OLFML2A: variants seen among roughly 807,000 people sequenced by gnomAD.
OLFML2A encodes the protein olfactomedin like 2A, also known as olfactomedin-like protein 2A.
Under a neutral mutation model 60.9 loss-of-function variants are expected in OLFML2A, and 47 were observed. That is an observed-to-expected ratio of 0.77 (90% CI 0.61 to 0.98). The LOEUF (loss-of-function observed/expected upper bound fraction) is 0.98. Among genes scored for constraint, OLFML2A ranks in the 50% least tolerant of loss-of-function variants. OLFML2A has a pLI of 0.00. For synonymous variants in OLFML2A, 372 were observed against 375.0 expected (o/e 0.99, Z 0.09); for missense variants, 922 against 879.8 (o/e 1.05, Z -0.61).
rs187877168 is a variant in OLFML2A at position 124,800,521 on chromosome 9, C to T, written c.670-893C>T. Among the ~76,000 whole-genome samples the T allele has an allele frequency of 7.2e-5, 11 of 152,336 alleles. No homozygotes were observed. The East Asian group carries it at 1.9e-3, about 27-fold the overall frequency. ...CAGCCAGGTCTGCGTGACTGCCAAG[C>T]CCACCCTCTTCCTCTCTTCTTCTCC... On this transcript the variant is annotated intron_variant, in intron 4 of 7. Coordinates refer to ENST00000373580, the MANE Select transcript of OLFML2A (RefSeq NM_182487.4).
At position 124,787,051 on chromosome 9, in the gene OLFML2A, T is replaced by C. The variant is rs2131248767; in HGVS notation, c.167T>C (p.Leu56Pro). ...DCRCKCIMRP[L>P]SKDACSRVRS... Reference sequence around the variant, plus strand: ...CGTTGCAAGTGCATCATGCGGCCCCTGAGCAAGGACGCGTGTAGCCGAGTG... The same window carrying C: ...CGTTGCAAGTGCATCATGCGGCCCCCGAGCAAGGACGCGTGTAGCCGAGTG... Residue 56 changes from leucine to proline, a missense_variant, in exon 2 of 8, where the codon CTG (leucine) becomes CCG (proline). Leu to Pro is a moderately conservative substitution (Grantham distance 98). Transcript: ENST00000373580. 1 of 1,613,994 alleles carries C rather than the reference T, an allele frequency of 6.2e-7. No homozygotes were observed. The highest frequency in any genetic ancestry group is 8.5e-7 in the Non-Finnish European group (1 of 1,179,996).
chr9:124,808,091 T>C, intron 7 of OLFML2A, 125 bp downstream of exon 7: 1 of 720,240 alleles, frequency 1.4e-6, no homozygotes, highest in Middle Eastern at 3.3e-4. Context: ...CTCCAGATTG[T>C]TAGCCACCCC....
In OLFML2A at chr9:124,779,921, T is replaced by C. The variant is rs1027795758; in HGVS notation, c.90+2561T>C. On this transcript the variant is annotated intron_variant, in intron 1 of 7. Transcript: ENST00000373580. The surrounding 1 kb of genome is among the most constrained non-coding windows in gnomAD (Gnocchi z 4.1). ...AATGTAGGGCCCTAAAGGGTTAAGT[T>C]GGCCCCTCCTTGGGCTTCCTGTTCC... is the stretch of plus-strand genomic sequence containing the variant. 6.6e-6 allele frequency among the ~76,000 whole-genome samples: 1 copy of C among 152,234 alleles called. No individual in the cohort carries two copies. The highest frequency in any genetic ancestry group is 2.4e-5 in the African/African-American group (1 of 41,464).
chr9:124,790,439 T>C (rs1841549955), intron 2 of OLFML2A, among the ~76,000 whole-genome samples: 1 of 152,174 alleles, frequency 6.6e-6, no homozygotes, highest in Middle Eastern at 3.4e-3. Context: ...CCTCCCAATA[T>C]GCTGGGATTA....
rs140635993 is a variant in OLFML2A, at chr9:124,801,562, A to G, written c.818A>G (p.Gln273Arg). 14 of 1,614,100 alleles carry G rather than the reference A, an allele frequency of 8.7e-6. No homozygotes were observed. The African/African-American group carries it at 1.7e-4, about 20-fold the overall frequency. The change falls in exon 5 of 8, where the codon CAG becomes CGG. Residue 273 changes from glutamine to arginine, a missense_variant. Coordinates refer to ENST00000373580, the MANE Select transcript of OLFML2A (RefSeq NM_182487.4). ...GAGAGCGGCAAGGGCAGTTTCCTCC[A>G]GCCCACAGCCAAGCCCCGCGCCCTG... Reference protein sequence around the residue: ...RKESGKGSFLQPTAKPRALAQ... With the variant: ...RKESGKGSFLRPTAKPRALAQ...
chr9:124,814,690 G>A lies in OLFML2A; in HGVS notation c.*4278G>A, dbSNP rs1307858190. ...CGCTGGGAAGCTCAAAGTCAAATTC[G>A]AGACCCTTTTTTTTCCAATTGTGCT... On this transcript the variant is annotated 3_prime_UTR_variant, in exon 8 of 8. Coordinates refer to ENST00000373580, the MANE Select transcript of OLFML2A (RefSeq NM_182487.4). 2.0e-5 allele frequency: 3 copies of A among 152,076 alleles called. No homozygotes were observed. The highest frequency in any genetic ancestry group is 2.9e-5 in the Non-Finnish European group (2 of 68,020). The allele number at this position is 152,076 out of a possible 1,614,324, so 9.4% of individuals were successfully genotyped here.
intron 5 of OLFML2A, among the ~76,000 whole-genome samples, chr9:124,802,408 C>A (rs1841795592): frequency 6.6e-6 from 1 of 152,238 alleles, no homozygotes; most frequent in Non-Finnish European, 1.5e-5. Context: ...CAAAGCCCTC[C>A]TTCCAGCCCA....
At chr9:124,808,295 T>C (rs1841942949) in intron 7 of OLFML2A, among the ~76,000 whole-genome samples, 1 of 152,176 alleles carries the variant, frequency 6.6e-6, no homozygotes, top group South Asian at 2.1e-4. Context: ...TACCCTGTGC[T>C]GATCTCGCCC....
intron 6 of OLFML2A, among the ~76,000 whole-genome samples, chr9:124,804,967 TGC>T: frequency 6.6e-6 from 1 of 152,104 alleles, no homozygotes; most frequent in East Asian, 1.9e-4. Context: ...CCTCCCAAAG[TGC>T]TGGGATTACA....
At chr9:124,797,209 G>A (rs1323202135) in intron 3 of OLFML2A, among the ~76,000 whole-genome samples, 2 of 152,162 alleles carry the variant, frequency 1.3e-5, no homozygotes, top group Non-Finnish European at 2.9e-5. Context: ...TTAAATTTCT[G>A]GGCTCAAGCG....
chr9:124,781,036 T>C (rs1240252681), intron 1 of OLFML2A, among the ~76,000 whole-genome samples: 1 of 152,196 alleles, frequency 6.6e-6, no homozygotes, highest in Non-Finnish European at 1.5e-5. Flanking sequence ...TTCTGAGGCA[T>C]GGCCCCCAGT....
chr9:124,791,065 C>T (rs558731246), intron 2 of OLFML2A, among the ~76,000 whole-genome samples: 2 of 152,312 alleles, frequency 1.3e-5, no homozygotes, highest in African/African-American at 4.8e-5. Flanking sequence ...AGACATGGCT[C>T]CTGCCTCGAG....
intron 3 of OLFML2A, 23 bp from the exon 4 acceptor site, chr9:124,799,262 C>CTCCA: frequency 6.4e-7 from 1 of 1,556,100 alleles, no homozygotes; most frequent in Non-Finnish European, 8.9e-7. Flanking sequence ...CAGGAAAGAC[C>CTCCA]TCCAATCCTG....
chr9:124,793,410 G>A (rs1415083849), intron 2 of OLFML2A, among the ~76,000 whole-genome samples: 3 of 152,250 alleles, frequency 2.0e-5, no homozygotes, highest in Non-Finnish European at 4.4e-5. Flanking sequence ...CTGCTGACCT[G>A]TTGTGCAAGG....
In OLFML2A at chr9:124,804,834, G is replaced by A. The variant is rs533636694; in HGVS notation, c.1168+492G>A. ...AACAATTCTCCTGCCTCAGCCTCCC[G>A]AGTGGCTGGGATTACAGATACCCGC... is the stretch of plus-strand genomic sequence containing the variant. On this transcript the variant is annotated intron_variant, in intron 6 of 7. Coordinates refer to ENST00000373580, the MANE Select transcript of OLFML2A (RefSeq NM_182487.4). Among the ~76,000 whole-genome samples the A allele has an allele frequency of 2.6e-5, 4 of 151,474 alleles. No individual in the cohort carries two copies. The South Asian group carries it at 8.4e-4, about 32-fold the overall frequency.
chr9:124,807,328 G>T (rs564114020), intron 6 of OLFML2A, among the ~76,000 whole-genome samples: 1 of 126,098 alleles, frequency 7.9e-6, no homozygotes. Flanking sequence ...CACTCTTGTC[G>T]CCCAGAGTGC....
At chr9:124,800,950 T>C in intron 4 of OLFML2A, 1 of 1,536,430 alleles carries the variant, frequency 6.5e-7, no homozygotes, top group Non-Finnish European at 8.8e-7. Flanking sequence ...TGCAGCACTT[T>C]CAGTGCTAAA....
intron 4 of OLFML2A, chr9:124,801,102 A>AGGG (rs1023867500): frequency 2.6e-5 from 39 of 1,525,780 alleles, no homozygotes; most frequent in Non-Finnish European, 3.5e-5. Context: ...GCTGCCTCCC[A>AGGG]GGGAGCTGGT....
chr9:124,786,749 GACACACAC>G (rs3138850), intron 1 of OLFML2A, among the ~76,000 whole-genome samples: 13,414 of 129,744 alleles, frequency 0.1, 1,144 homozygotes, highest in African/African-American at 0.24. Flanking sequence ...CAGAGACGTA[GACACACAC>G]ACACACACAC....
Sources: allele counts gnomAD v4.1 joint callset (sites outside exome capture counted in the v4.1 genomes callset), GRCh38; gene constraint gnomAD v4.1.1; non-coding constraint Gnocchi (gnomAD v3.1); transcripts MANE v1.5; gene names NCBI Gene and HGNC (gene_info 2026-07-23, HGNC 2026-07-21).